Variants in PREP observed in about 807,000 individuals in gnomAD.
PREP encodes the protein prolyl endopeptidase.
PREP carries 29 observed loss-of-function variants against 87.6 expected under a neutral mutation model. That is an observed-to-expected ratio of 0.33 (90% CI 0.25 to 0.45). The LOEUF is 0.45. Among genes scored for constraint, PREP ranks in the 20% least tolerant of loss-of-function variants. The pLI is 1.00. For missense variants in PREP, 695 were observed against 886.5 expected (o/e 0.78, Z 2.74); for synonymous variants, 337 against 328.6 (o/e 1.03, Z -0.28).
rs1396538510 is a variant in PREP, at chr6:105,322,056, A to T, written c.1317+1609T>A. ...CTGAGAAAACCAAATGTCACAACTG[A>T]TAGGGACACATTTTCTACAAATTAG... On this transcript the variant is annotated intron_variant, in intron 10 of 14. Coordinates refer to ENST00000652536, the MANE Select transcript of PREP (RefSeq NM_002726.5). Among the ~76,000 whole-genome samples, 4 of 152,160 alleles carry T rather than the reference A, an allele frequency of 2.6e-5. No individual in the cohort carries two copies. The East Asian group carries it at 7.7e-4, about 29-fold the overall frequency.
At chr6:105,312,618 C>G (rs1320690593) in intron 10 of PREP, among the ~76,000 whole-genome samples, 1 of 152,148 alleles carries the variant, frequency 6.6e-6, no homozygotes, top group Admixed American at 6.5e-5. Flanking sequence ...AGTTTATGTA[C>G]GAAGAACATG....
chr6:105,321,922 C>T (rs1258247288), intron 10 of PREP, among the ~76,000 whole-genome samples: 1 of 152,102 alleles, frequency 6.6e-6, no homozygotes, highest in Non-Finnish European at 1.5e-5. Context: ...CTCTTGAGAG[C>T]AGAGGAGAGA....
chr6:105,402,746 G>A (rs530011821), intron 1 of PREP, 101 bp downstream of exon 1: 230 of 1,120,338 alleles, frequency 2.1e-4, no homozygotes, highest in Admixed American at 2.9e-4. Context: ...GAGGGACGCG[G>A]GGGTCGAAGG....
At chr6:105,326,775 T>C (rs555645756) in intron 9 of PREP, among the ~76,000 whole-genome samples, 1 of 152,262 alleles carries the variant, frequency 6.6e-6, no homozygotes, top group African/African-American at 2.4e-5. Context: ...AGAAATCAAA[T>C]TGCATTCGGC....
intron 7 of PREP, among the ~76,000 whole-genome samples, chr6:105,342,903 C>T (rs1233099362): frequency 3.3e-4 from 46 of 140,162 alleles, no homozygotes; most frequent in South Asian, 9.2e-4. Context: ...AAGAACATTC[C>T]ATGCTCATGG....
intron 9 of PREP, among the ~76,000 whole-genome samples, chr6:105,328,496 C>T (rs1771232668): frequency 6.6e-6 from 1 of 152,072 alleles, no homozygotes; most frequent in Non-Finnish European, 1.5e-5. Flanking sequence ...CCTTGTGACC[C>T]GCCTCGGCCT....
intron 9 of PREP, among the ~76,000 whole-genome samples, chr6:105,323,975 C>T (rs531692397): frequency 1.2e-3 from 184 of 152,334 alleles, no homozygotes; most frequent in South Asian, 2.5e-3. Flanking sequence ...AAGTGTTCAT[C>T]CTCATCATCA....
At position 105,278,192 on chromosome 6, in the gene PREP, G is replaced by A. The variant is rs1199966163; in HGVS notation, c.2085C>T (p.Asp695=). 6.2e-7 allele frequency: 1 copy of A among 1,614,188 alleles called. No homozygotes were observed. Among genetic ancestry groups the A allele is most frequent in the East Asian group, 2.2e-5 (1 of 44,874 alleles). Reference sequence around the variant, plus strand: ...GGCACCGCGCGATGAACGCAAACATGTCTGAGACTTCCTCTATCACTTTGG... The same window carrying A: ...GGCACCGCGCGATGAACGCAAACATATCTGAGACTTCCTCTATCACTTTGG... ...PTAKVIEEVS[D]MFAFIARCLN... The change falls in exon 15 of 15, where the codon GAC becomes GAT. Residue 695 remains aspartate (D), a synonymous_variant. Coordinates refer to ENST00000652536, the MANE Select transcript of PREP (RefSeq NM_002726.5). This position sits in a 1 kb window ranked among gnomAD's most constrained non-coding sequence, Gnocchi z 4.2.
intron 2 of PREP, among the ~76,000 whole-genome samples, chr6:105,387,633 A>AAAAGAAAAAGAAAAAG (rs1168392817): frequency 6.6e-4 from 98 of 148,864 alleles, no homozygotes; most frequent in African/African-American, 2.4e-3. Context: ...AAAAAAGAAA[A>AAAAGAAAAAGAAAAAG]AAAGAAAAAG....
chr6:105,389,371 T>A (rs1431614100), intron 2 of PREP, among the ~76,000 whole-genome samples: 1 of 152,098 alleles, frequency 6.6e-6, no homozygotes, highest in African/African-American at 2.4e-5. Flanking sequence ...GCAATTTGTA[T>A]CTTCTGACTT....
intron 6 of PREP, among the ~76,000 whole-genome samples, chr6:105,353,988 T>TA (rs889339542): frequency 6.6e-6 from 1 of 152,134 alleles, no homozygotes; most frequent in African/African-American, 2.4e-5. Flanking sequence ...AGAATCCTAA[T>TA]AAAAAAATCT....
At chr6:105,337,850 T>C (rs77931497) in intron 7 of PREP, among the ~76,000 whole-genome samples, 12,009 of 152,306 alleles carry the variant, frequency 0.079, 573 homozygotes, top group East Asian at 0.19. Context: ...CAACTAATTT[T>C]CAACTAACTT....
At chr6:105,352,165 C>A (rs1771973930) in intron 7 of PREP, among the ~76,000 whole-genome samples, 1 of 152,116 alleles carries the variant, frequency 6.6e-6, no homozygotes, top group Admixed American at 6.6e-5. Flanking sequence ...TTTGCATTAA[C>A]TAGAAGATAA....
chr6:105,330,470 G>A (rs1205482850), intron 8 of PREP, among the ~76,000 whole-genome samples: 2 of 152,214 alleles, frequency 1.3e-5, no homozygotes, highest in African/African-American at 4.8e-5. Context: ...AACTTTCAGT[G>A]ACAGCGTTCA....
At chr6:105,339,852 GAAAC>G (rs1478793325) in intron 7 of PREP, among the ~76,000 whole-genome samples, 2 of 152,156 alleles carry the variant, frequency 1.3e-5, no homozygotes, top group Non-Finnish European at 2.9e-5. Flanking sequence ...ACAGTAAAAA[GAAAC>G]AAACAAAGCT....
At chr6:105,303,191 A>G (rs1289321632) in intron 10 of PREP, among the ~76,000 whole-genome samples, 1 of 152,078 alleles carries the variant, frequency 6.6e-6, no homozygotes, top group East Asian at 1.9e-4. Context: ...CAGCCTCCTG[A>G]GTAGCCAGGA....
chr6:105,359,396 G>GA, intron 6 of PREP, among the ~76,000 whole-genome samples: 1 of 152,220 alleles, frequency 6.6e-6, no homozygotes, highest in Non-Finnish European at 1.5e-5. Context: ...TTTGGGAAGT[G>GA]ATGACTCCTA....
At chr6:105,355,858 AAC>A (rs1302678038) in intron 6 of PREP, among the ~76,000 whole-genome samples, 3 of 152,150 alleles carry the variant, frequency 2.0e-5, no homozygotes, top group Admixed American at 2.0e-4. Context: ...AACTGCTATA[AAC>A]AGATAATTTT....
intron 13 of PREP, 27 bp downstream of exon 13, chr6:105,282,424 G>A: frequency 1.9e-6 from 3 of 1,605,684 alleles, no homozygotes; most frequent in Non-Finnish European, 1.7e-6. Context: ...TAACTAGTAA[G>A]TGCAATGAAT....
Sources: allele counts gnomAD v4.1 joint callset (sites outside exome capture counted in the v4.1 genomes callset), GRCh38; gene constraint gnomAD v4.1.1; non-coding constraint Gnocchi (gnomAD v3.1); transcripts MANE v1.5; gene names NCBI Gene and HGNC (gene_info 2026-07-23, HGNC 2026-07-21).